Variants in RAP1B observed in about 807,000 individuals in gnomAD.
RAP1B encodes the protein RAP1B, member of RAS oncogene family, also known as ras-related protein Rap-1b.
Under a neutral mutation model 27.5 loss-of-function variants are expected in RAP1B, and 1 was observed. The observed-to-expected ratio is 0.04, with a 90% confidence interval of 0.01 to 0.17. The LOEUF (loss-of-function observed/expected upper bound fraction) is 0.17, where lower values mean the gene tolerates loss of function less well. Among genes scored for constraint, RAP1B ranks in the 10% least tolerant of loss-of-function variants. RAP1B has a pLI of 1.00. For missense variants in RAP1B, 84 were observed against 214.8 expected (o/e 0.39, Z 3.81); for synonymous variants, 75 against 73.1 (o/e 1.03, Z -0.13).
Position 68,642,989 on chromosome 12 carries a change from G to C in RAP1B, c.-26-5710G>C, listed in dbSNP as rs763017002. 125 of 802,152 alleles carry C rather than the reference G, an allele frequency of 1.6e-4. 1 individual carries two copies. In the Middle Eastern group the frequency reaches 4.2e-3, roughly 27 times the overall value. 49.7% of individuals were successfully genotyped at this position (802,152 alleles called of 1,614,324 possible). A position where few individuals can be genotyped will look rare whatever the true frequency, so the allele number is the denominator to read the frequency against. On this transcript the variant is annotated intron_variant, in intron 1 of 7. Coordinates refer to ENST00000250559, the MANE Select transcript of RAP1B (RefSeq NM_001010942.3). ...GGTTTTTAGAGCAAGTTTTCGCCCA[G>C]CCATGTTGGGATTCTTCACCGACCC...
At position 68,667,096 on chromosome 12, in the gene RAP1B, T is replaced by G. The variant is rs1874886300; in HGVS notation, c.*7847T>G. The G allele has an allele frequency of 1.3e-5, 2 of 152,192 alleles. No individual in the cohort carries two copies. The highest frequency in any genetic ancestry group is 2.1e-4 in the South Asian group (1 of 4,832). 9.4% of individuals were successfully genotyped at this position (152,192 alleles called of 1,614,324 possible). A position where few individuals can be genotyped will look rare whatever the true frequency, so the allele number is the denominator to read the frequency against. ...TATATTTATCAATGATGACAGAAACTTCCCCCCTTTTACTTAGATCTAATA... is the reference window on the plus strand; with the variant it reads ...TATATTTATCAATGATGACAGAAACGTCCCCCCTTTTACTTAGATCTAATA... On this transcript the variant is annotated 3_prime_UTR_variant, in exon 8 of 8. Transcript: ENST00000250559.
At chr12:68,613,498 C>G (rs556882807) in intron 1 of RAP1B, among the ~76,000 whole-genome samples, 1 of 152,164 alleles carries the variant, frequency 6.6e-6, no homozygotes, top group African/African-American at 2.4e-5. Context: ...TTCTATGACA[C>G]GCATTACTTC....
At chr12:68,650,368 G>T in intron 2 of RAP1B, 32 bp from the exon 3 acceptor site, 1 of 1,480,312 alleles carries the variant, frequency 6.8e-7, no homozygotes, top group Non-Finnish European at 9.1e-7. Context: ...CTTTTCTTTA[G>T]AAGTATAATG....
At chr12:68,627,341 G>A in intron 1 of RAP1B, 1 of 738,160 alleles carries the variant, frequency 1.4e-6, no homozygotes, top group Admixed American at 1.8e-5. Flanking sequence ...GCCCCCCCAT[G>A]AGGAAAGGAA....
In RAP1B at chr12:68,669,681, ATCC is replaced by A. The variant is rs1178397211; in HGVS notation, c.*10433_*10435del. On this transcript the variant is annotated 3_prime_UTR_variant, in exon 8 of 8. Coordinates refer to ENST00000250559, the MANE Select transcript of RAP1B (RefSeq NM_001010942.3). ...CCAGGCATGGTGGCAGGTGCCTGTA[ATCC>A]CAGCTACTCTGGAGGCTGAGGCAGG... 6.6e-6 allele frequency: 1 copy of A among 152,320 alleles called. No individual in the cohort carries two copies. The highest frequency in any genetic ancestry group is 2.1e-4 in the South Asian group (1 of 4,826). The allele number at this position is 152,320 out of a possible 1,614,324, so 9.4% of individuals were successfully genotyped here.
chr12:68,636,294 TA>T, intron 1 of RAP1B, among the ~76,000 whole-genome samples: 1 of 152,356 alleles, frequency 6.6e-6, no homozygotes, highest in Admixed American at 6.5e-5. Flanking sequence ...TAATGAGATT[TA>T]AGAAAGAAAT....
intron 1 of RAP1B, chr12:68,642,389 C>T (rs921573453): frequency 4.2e-6 from 2 of 476,456 alleles, no homozygotes; most frequent in African/African-American, 2.0e-5. Flanking sequence ...ACTGAGTTAG[C>T]AATGAGAGAT....
In RAP1B at chr12:68,662,051, TAG is replaced by T. The variant is rs547351026; in HGVS notation, c.*2809_*2810del. On this transcript the variant is annotated 3_prime_UTR_variant, in exon 8 of 8. Coordinates refer to ENST00000250559, the MANE Select transcript of RAP1B (RefSeq NM_001010942.3). The stretch of plus-strand genomic sequence containing the variant: ...ATATATATTATATATAGTACATATA[TAG>T]AGAGAGTATATATATATATGTAGTA... 7.5e-5 allele frequency: 11 copies of T among 146,310 alleles called. No individual in the cohort carries two copies. The East Asian group carries it at 7.8e-4, about 10-fold the overall frequency. The allele number at this position is 146,310 out of a possible 1,614,324, so 9.1% of individuals were successfully genotyped here. A position where few individuals can be genotyped will look rare whatever the true frequency, so the allele number is the denominator to read the frequency against.
chr12:68,633,698 G>A (rs534400039), intron 1 of RAP1B, among the ~76,000 whole-genome samples: 8 of 152,072 alleles, frequency 5.3e-5, no homozygotes, highest in East Asian at 1.9e-4. Context: ...GTGAAACCCC[G>A]TCTCTACTAA....
In RAP1B at chr12:68,627,037, A is replaced by G. The variant is rs1222690289; in HGVS notation, c.-27+15994A>G. The G allele has an allele frequency of 3.8e-6, 6 of 1,592,256 alleles. No individual in the cohort carries two copies. In the East Asian group the frequency reaches 8.9e-5, roughly 24 times the overall value. On this transcript the variant is annotated intron_variant, in intron 1 of 7. Coordinates refer to ENST00000250559, the MANE Select transcript of RAP1B (RefSeq NM_001010942.3). ...GAGATGTGGATCTTCTGGCGGCCAG[A>G]AAACTTGAACTTGGCCCTGCGCAGG...
chr12:68,664,682 A>C lies in RAP1B; in HGVS notation c.*5433A>C, dbSNP rs552181377. On this transcript the variant is annotated 3_prime_UTR_variant, in exon 8 of 8. Transcript: ENST00000250559. ...TGAGATCACACCACTGCACTTCAGC[A>C]TGGGCAACAGAGTGAGACTGCAAAA... 1 of 152,002 alleles carries C rather than the reference A, an allele frequency of 6.6e-6. No homozygotes were observed. Among genetic ancestry groups the C allele is most frequent in the Admixed American group, 6.6e-5 (1 of 15,238 alleles). The allele number at this position is 152,002 out of a possible 1,614,324, so 9.4% of individuals were successfully genotyped here.
In RAP1B at chr12:68,662,209, C is replaced by T. The variant is rs1220675074; in HGVS notation, c.*2960C>T. 1 of 151,386 alleles carries T rather than the reference C, an allele frequency of 6.6e-6. No homozygotes were observed. The highest frequency in any genetic ancestry group is 1.5e-5 in the Non-Finnish European group (1 of 67,870). 9.4% of individuals were successfully genotyped at this position (151,386 alleles called of 1,614,324 possible). On this transcript the variant is annotated 3_prime_UTR_variant, in exon 8 of 8. Coordinates refer to ENST00000250559, the MANE Select transcript of RAP1B (RefSeq NM_001010942.3). ...GTAACTGCAGTTTGGGAGCACAACT[C>T]ATGTAGATTGACTTTTCTGGTGCTT...
At chr12:68,637,427 A>AGG (rs1359958084) in intron 1 of RAP1B, among the ~76,000 whole-genome samples, 13 of 151,704 alleles carry the variant, frequency 8.6e-5, no homozygotes, top group Non-Finnish European at 1.5e-4. Flanking sequence ...GTGAAACCCC[A>AGG]CCTCTACTAA....
chr12:68,639,852 T>G (rs1462286092), intron 1 of RAP1B, among the ~76,000 whole-genome samples: 2 of 152,048 alleles, frequency 1.3e-5, no homozygotes, highest in Non-Finnish European at 2.9e-5. Context: ...GATTTTTTTT[T>G]TTTTTTGGGA....
At chr12:68,656,496 T>C (rs1172742655) in intron 6 of RAP1B, 47 bp downstream of exon 6, 2 of 1,551,216 alleles carry the variant, frequency 1.3e-6, no homozygotes, top group African/African-American at 1.4e-5. Context: ...AAGTACAACA[T>C]TGAAGATGAA....
rs867901501 is a variant in RAP1B, at chr12:68,611,170, G to A, written c.-27+127G>A. Reference sequence around the variant, plus strand: ...GCCGGGCGCGGCGGTCAGGGGCCCCGGCGGCGGCAGCCCCTCGGCGCGCGG... The same window carrying A: ...GCCGGGCGCGGCGGTCAGGGGCCCCAGCGGCGGCAGCCCCTCGGCGCGCGG... On this transcript the variant is annotated intron_variant, in intron 1 of 7. Transcript: ENST00000250559. 2.6e-3 allele frequency: 384 copies of A among 146,478 alleles called. 6 individuals carry two copies. Among genetic ancestry groups the A allele is most frequent in the South Asian group, 0.025 (132 of 5,302 alleles). 9.1% of individuals were successfully genotyped at this position (146,478 alleles called of 1,614,324 possible).
chr12:68,657,903 T>G (rs1364345236), intron 7 of RAP1B, among the ~76,000 whole-genome samples: 1 of 150,246 alleles, frequency 6.7e-6, no homozygotes, highest in Admixed American at 6.6e-5. Context: ...GACATGTTCA[T>G]CATGTGCCAC....
At chr12:68,636,099 G>A (rs577374946) in intron 1 of RAP1B, among the ~76,000 whole-genome samples, 2 of 151,546 alleles carry the variant, frequency 1.3e-5, no homozygotes, top group African/African-American at 4.8e-5. Flanking sequence ...TGGCCAGGCT[G>A]GTCGCAAACT....
At chr12:68,635,620 C>T (rs1446252760) in intron 1 of RAP1B, among the ~76,000 whole-genome samples, 2 of 150,924 alleles carry the variant, frequency 1.3e-5, no homozygotes, top group East Asian at 4.0e-4. Flanking sequence ...CTCACCCAGC[C>T]AATTTTTGTA....
Sources: gnomAD v4.1 joint callset for allele counts (sites outside exome capture counted in the v4.1 genomes callset) on GRCh38, gnomAD v4.1.1 for gene constraint, MANE v1.5 for transcripts, NCBI Gene and HGNC (gene_info 2026-07-23, HGNC 2026-07-21) for gene names.